ADK: variants seen among roughly 807,000 people sequenced by gnomAD.
The protein encoded by ADK is N6,N6-dimethyladenosine kinase.
ADK carries 24 observed loss-of-function variants against 44.7 expected under a neutral mutation model. The observed-to-expected ratio is 0.54, with a 90% confidence interval of 0.39 to 0.76. The LOEUF is 0.76. ADK is among the 30% of genes least tolerant of loss of function. The probability of loss-of-function intolerance (pLI) is 0.00; values close to 1 mark genes in which losing one functional copy is unlikely to be tolerated. For synonymous variants in ADK, 128 were observed against 142.6 expected (o/e 0.90, Z 0.73); for missense variants, 321 against 425.1 (o/e 0.76, Z 2.15).
chr10:74,515,807 G>C (rs1349130039), intron 6 of ADK, among the ~76,000 whole-genome samples: 1 of 152,132 alleles, frequency 6.6e-6, no homozygotes, highest in Non-Finnish European at 1.5e-5. Flanking sequence ...CTGGCAGACT[G>C]GTTTCTCTGT....
intron 2 of ADK, among the ~76,000 whole-genome samples, chr10:74,221,392 C>T (rs1442668321): frequency 1.3e-5 from 2 of 151,422 alleles, no homozygotes; most frequent in Non-Finnish European, 3.0e-5. Context: ...AATGGAAGAA[C>T]ATTCCATGCT....
chr10:74,391,351 C>T (rs1056899014), intron 4 of ADK, among the ~76,000 whole-genome samples: 50 of 151,788 alleles, frequency 3.3e-4, no homozygotes, highest in African/African-American at 1.2e-3. Context: ...TAACATGTTT[C>T]AGAAGTCAAA....
chr10:74,420,403 G>T (rs929485511), intron 6 of ADK, among the ~76,000 whole-genome samples: 2 of 152,092 alleles, frequency 1.3e-5, no homozygotes, highest in East Asian at 3.8e-4. Flanking sequence ...CATCTATTAA[G>T]ATCTAATAAT....
chr10:74,600,220 T>A (rs1852065238), intron 8 of ADK, among the ~76,000 whole-genome samples, 159 bp from the exon 9 acceptor site: 1 of 152,176 alleles, frequency 6.6e-6, no homozygotes, highest in Admixed American at 6.5e-5. Flanking sequence ...ACTGTGCTAT[T>A]CTATTTACTT....
intron 7 of ADK, among the ~76,000 whole-genome samples, chr10:74,575,833 T>G (rs754566297): frequency 6.6e-6 from 1 of 151,998 alleles, no homozygotes; most frequent in Non-Finnish European, 1.5e-5. Flanking sequence ...TCAAACTGAG[T>G]GAGACTAGTA....
intron 7 of ADK, among the ~76,000 whole-genome samples, chr10:74,570,016 T>C (rs1334217536): frequency 2.0e-5 from 3 of 152,116 alleles, no homozygotes; most frequent in South Asian, 4.1e-4. Flanking sequence ...CCCAGCACCA[T>C]TTATTAAATA....
chr10:74,502,902 G>A lies in ADK; in HGVS notation c.556-22354G>A, dbSNP rs567781384. On this transcript the variant is annotated intron_variant, in intron 6 of 10. Transcript: ENST00000539909. ...AAACTTTAGGAAATGTAATTATATC[G>A]TTTCTTTCTCTCTAAATCTGCCTTA... 1.7e-4 allele frequency among the ~76,000 whole-genome samples: 26 copies of A among 152,140 alleles called. 1 individual carries two copies. The highest frequency in any genetic ancestry group is 4.8e-4 in the African/African-American group (20 of 41,508).
chr10:74,658,324 T>G (rs1854568483), intron 9 of ADK, among the ~76,000 whole-genome samples: 1 of 152,184 alleles, frequency 6.6e-6, no homozygotes, highest in Admixed American at 6.5e-5. Flanking sequence ...GAGCCCTAGC[T>G]CCTTTCCTGT....
intron 6 of ADK, among the ~76,000 whole-genome samples, chr10:74,423,199 ATAT>A (rs1337042075): frequency 1.3e-5 from 2 of 152,204 alleles, no homozygotes; most frequent in African/African-American, 2.4e-5. Flanking sequence ...CAGAAAATCA[ATAT>A]TATTTAAAAA....
intron 3 of ADK, among the ~76,000 whole-genome samples, chr10:74,312,425 C>CTT (rs61133957): frequency 3.7e-3 from 500 of 136,780 alleles, no homozygotes; most frequent in Non-Finnish European, 5.9e-3. Context: ...CAGACATTCA[C>CTT]TTTTTTTTTT....
At chr10:74,515,493 C>G (rs1404748804) in intron 6 of ADK, among the ~76,000 whole-genome samples, 1 of 152,200 alleles carries the variant, frequency 6.6e-6, no homozygotes, top group African/African-American at 2.4e-5. Context: ...CCAGGAGCAG[C>G]TTTCAGGTCG....
At chr10:74,307,573 A>G (rs955937259) in intron 3 of ADK, among the ~76,000 whole-genome samples, 3 of 152,194 alleles carry the variant, frequency 2.0e-5, no homozygotes, top group Admixed American at 1.3e-4. Context: ...GTGATGCAGT[A>G]TATGCTACCC....
intron 6 of ADK, among the ~76,000 whole-genome samples, chr10:74,521,387 A>T (rs1848829267): frequency 6.6e-6 from 1 of 152,224 alleles, no homozygotes; most frequent in African/African-American, 2.4e-5. Context: ...CACACACAGC[A>T]TACATACATT....
intron 3 of ADK, among the ~76,000 whole-genome samples, chr10:74,301,513 CAAAAAAAAA>C (rs34310248): frequency 8.8e-5 from 5 of 56,714 alleles, no homozygotes; most frequent in Non-Finnish European, 1.5e-4. Context: ...GACTCTGTCT[CAAAAAAAAA>C]AAAAAAAAAA....
chr10:74,624,758 A>G (rs113258336), intron 9 of ADK, among the ~76,000 whole-genome samples: 4 of 152,002 alleles, frequency 2.6e-5, no homozygotes, highest in African/African-American at 7.2e-5. Flanking sequence ...TAATACTAGG[A>G]CAGTTCTGGG....
intron 4 of ADK, among the ~76,000 whole-genome samples, chr10:74,328,995 ATG>A (rs1841117087): frequency 6.6e-6 from 1 of 151,546 alleles, no homozygotes; most frequent in Non-Finnish European, 1.5e-5. Context: ...AGCATGGCAC[ATG>A]TATACATATG....
chr10:74,367,220 A>G (rs1466529918), intron 4 of ADK, among the ~76,000 whole-genome samples: 2 of 152,206 alleles, frequency 1.3e-5, no homozygotes, highest in African/African-American at 4.8e-5. Flanking sequence ...ACTATTTTGT[A>G]AATATGAAGA....
At chr10:74,207,316 C>T (rs77855677) in intron 2 of ADK, among the ~76,000 whole-genome samples, 3,010 of 152,310 alleles carry the variant, frequency 0.02, 46 homozygotes, top group Non-Finnish European at 0.026. Flanking sequence ...AGAAGGGCTG[C>T]AGCTCTTCTT....
intron 10 of ADK, among the ~76,000 whole-genome samples, chr10:74,671,943 T>G (rs890020548): frequency 6.6e-6 from 1 of 152,192 alleles, no homozygotes; most frequent in Non-Finnish European, 1.5e-5. Context: ...CTATCTGTAA[T>G]GCTACCGATA....
Sources: gnomAD v4.1 joint callset for allele counts (sites outside exome capture counted in the v4.1 genomes callset) on GRCh38, gnomAD v4.1.1 for gene constraint, MANE v1.5 for transcripts, NCBI Gene and HGNC (gene_info 2026-07-23, HGNC 2026-07-21) for gene names.